SLC5A10: variants seen among roughly 807,000 people sequenced by gnomAD.
SLC5A10 encodes solute carrier family 5 member 10, also known as sodium/mannose cotransporter SLC5A10.
Under a neutral mutation model 68.9 loss-of-function variants are expected in SLC5A10, and 55 were observed. The observed-to-expected ratio is 0.80, with a 90% CI of 0.64 to 1.00. The LOEUF (loss-of-function observed/expected upper bound fraction) is 1.00. Ranked by LOEUF, SLC5A10 falls within the 50% of genes least tolerant of loss-of-function variation. The pLI, the probability that SLC5A10 is intolerant of heterozygous loss-of-function variation, is 0.00. For missense variants in SLC5A10, 732 were observed against 819.3 expected, an observed-to-expected ratio of 0.89 and a Z score of 1.30; for synonymous variants, 344 against 344.8, an observed-to-expected ratio of 1.00 and a Z score of 0.02.
Position 18,977,964 on chromosome 17 carries a change from G to A in SLC5A10, c.982+975G>A, listed in dbSNP as rs775468730. On this transcript the variant is annotated intron_variant, in intron 9 of 14. Coordinates refer to ENST00000395645, the MANE Select transcript of SLC5A10 (RefSeq NM_001042450.4). ...AGCCCATTGGGGAGCCCCACCCCGA[G>A]GCTCTCGGGGTCATCCTGGGTCACA... 6 of 1,592,796 alleles carry A rather than the reference G, an allele frequency of 3.8e-6. No homozygotes were observed. In the South Asian group the frequency reaches 5.6e-5, roughly 15 times the overall value.
At position 19,004,229 on chromosome 17, in the gene SLC5A10, C is replaced by G; in HGVS notation, c.983-9181C>G. Reference sequence around the variant, plus strand: ...GGAGGGCGGGCCGCGCGGGGAGGGGCGGCGGGGGCGGGGCCGGGAACTCAG... The same window carrying G: ...GGAGGGCGGGCCGCGCGGGGAGGGGGGGCGGGGGCGGGGCCGGGAACTCAG... On this transcript the variant is annotated intron_variant, in intron 9 of 14. Coordinates refer to ENST00000395645, the MANE Select transcript of SLC5A10 (RefSeq NM_001042450.4). The surrounding 1 kb of genome is among the most constrained non-coding windows in gnomAD (Gnocchi z 5.4). 27 of 143,252 alleles carry G rather than the reference C, an allele frequency of 1.9e-4. No homozygotes were observed. The highest frequency in any genetic ancestry group is 7.0e-4 in the South Asian group (7 of 9,956). 8.9% of individuals were successfully genotyped at this position (143,252 alleles called of 1,614,324 possible). A position where few individuals can be genotyped will look rare whatever the true frequency, so the allele number is the denominator to read the frequency against.
At chr17:18,978,157 G>A (rs370625651) in intron 9 of SLC5A10, 88 of 1,530,126 alleles carry the variant, frequency 5.8e-5, no homozygotes, top group South Asian at 1.8e-4. Context: ...GCTTGGGCAC[G>A]GGGGGCAATG....
upstream of SLC5A10, among the ~76,000 whole-genome samples, chr17:18,951,039 G>A (rs746042359): frequency 2.0e-5 from 3 of 152,198 alleles, no homozygotes; most frequent in Non-Finnish European, 4.4e-5. Context: ...ATTTTTACCC[G>A]CACCTCAGGG....
intron 9 of SLC5A10, among the ~76,000 whole-genome samples, chr17:19,001,369 G>T (rs534587357): frequency 6.6e-6 from 1 of 152,322 alleles, no homozygotes; most frequent in African/African-American, 2.4e-5. Context: ...TACTGCCTCT[G>T]AGGCCCCCAC....
Position 19,017,307 on chromosome 17 carries a change from C to T in SLC5A10, c.1241+2108C>T, listed in dbSNP as rs983838478. The T allele has an allele frequency of 9.0e-6, 14 of 1,552,154 alleles. No homozygotes were observed. The highest frequency in any genetic ancestry group is 1.2e-5 in the Non-Finnish European group (14 of 1,147,072). On this transcript the variant is annotated intron_variant, in intron 11 of 14. Coordinates refer to ENST00000395645, the MANE Select transcript of SLC5A10 (RefSeq NM_001042450.4). This position sits in a 1 kb window ranked among gnomAD's most constrained non-coding sequence, Gnocchi z 5.6. ...AGCACTGGGATACCCTCAACACCCC[C>T]AGCCCCTCAAAGCCGTCTCAGCTTC...
Position 18,953,736 on chromosome 17 carries a change from C to T in SLC5A10, c.111+1420C>T, listed in dbSNP as rs545334650. The T allele has an allele frequency of 3.9e-5, 6 of 152,704 alleles. No individual in the cohort carries two copies. In the South Asian group the frequency reaches 1.0e-3, roughly 26 times the overall value. 9.5% of individuals were successfully genotyped at this position (152,704 alleles called of 1,614,324 possible). A position where few individuals can be genotyped will look rare whatever the true frequency, so the allele number is the denominator to read the frequency against. ...AGGTTGGATTTCAAAAATCTGAAAC[C>T]CAAAATCTGGAACATTTTGAACACC... On this transcript the variant is annotated intron_variant, in intron 1 of 14. Transcript: ENST00000395645.
intron 5 of SLC5A10, among the ~76,000 whole-genome samples, chr17:18,962,128 C>T (rs1384697793): frequency 6.6e-6 from 1 of 152,202 alleles, no homozygotes; most frequent in East Asian, 1.9e-4. Context: ...TGCCAGCCAC[C>T]TCCCTGGAAA....
intron 1 of SLC5A10, chr17:18,954,102 C>CAA (rs1288465560): frequency 6.6e-6 from 1 of 152,208 alleles, no homozygotes; most frequent in East Asian, 1.9e-4. Flanking sequence ...TTCCAAGGAG[C>CAA]AAGGGTCCAA....
At position 19,014,696 on chromosome 17, in the gene SLC5A10, C is replaced by T. The variant is rs534402125; in HGVS notation, c.1091-353C>T. On this transcript the variant is annotated intron_variant, in intron 10 of 14. Coordinates refer to ENST00000395645, the MANE Select transcript of SLC5A10 (RefSeq NM_001042450.4). ...TCAAGCGGGTTAATCATGCTTTCCT[C>T]GGACGAAGGCATGGGTGTGAAAGTG... Among the ~76,000 whole-genome samples, 8 of 152,324 alleles carry T rather than the reference C, an allele frequency of 5.3e-5. No homozygotes were observed. In the South Asian group the frequency reaches 8.3e-4, roughly 16 times the overall value.
chr17:19,006,293 A>T (rs73306502), intron 9 of SLC5A10, among the ~76,000 whole-genome samples: 74 of 152,224 alleles, frequency 4.9e-4, no homozygotes, highest in African/African-American at 1.7e-3. Flanking sequence ...AGTGGTATGT[A>T]CAATCATTGC....
At chr17:18,995,864 C>T (rs548536561) in intron 9 of SLC5A10, among the ~76,000 whole-genome samples, 14 of 150,928 alleles carry the variant, frequency 9.3e-5, no homozygotes, top group Admixed American at 4.6e-4. Flanking sequence ...GCCAAGATTG[C>T]GCCACTGCAC....
intron 7 of SLC5A10, 122 bp downstream of exon 7, chr17:18,969,544 G>A: frequency 1.1e-6 from 1 of 945,170 alleles, no homozygotes; most frequent in South Asian, 1.6e-5. Context: ...CGCTGGGAGT[G>A]GGTGGGTTCA....
At chr17:18,974,634 A>G (rs923558385) in intron 8 of SLC5A10, among the ~76,000 whole-genome samples, 8 of 152,230 alleles carry the variant, frequency 5.3e-5, no homozygotes, top group Admixed American at 4.6e-4. Flanking sequence ...GCTGACTCCA[A>G]TGGCCACACC....
chr17:19,018,733 T>TA lies in SLC5A10; in HGVS notation c.1242-688dup, dbSNP rs1393095543. On this transcript the variant is annotated intron_variant, in intron 11 of 14. Transcript: ENST00000395645. The surrounding 1 kb of genome is among the most constrained non-coding windows in gnomAD (Gnocchi z 4.2). Reference sequence around the variant, plus strand: ...CTTCACAGCTGGGGAGTATGGGCTCTAACCCCAACCCACACCTCTGGCTCC... The same window carrying TA: ...CTTCACAGCTGGGGAGTATGGGCTCTAAACCCCAACCCACACCTCTGGCTCC... 2.0e-5 allele frequency: 3 copies of TA among 152,330 alleles called. No homozygotes were observed. Among genetic ancestry groups the TA allele is most frequent in the Non-Finnish European group, 4.4e-5 (3 of 68,130 alleles). 9.4% of individuals were successfully genotyped at this position (152,330 alleles called of 1,614,324 possible).
chr17:18,993,999 A>C (rs1184848759), intron 9 of SLC5A10, among the ~76,000 whole-genome samples: 1 of 152,126 alleles, frequency 6.6e-6, no homozygotes, highest in Non-Finnish European at 1.5e-5. Flanking sequence ...CCAGACCCAC[A>C]GCTCCCTCTG....
chr17:19,008,645 G>A (rs1597904284), intron 9 of SLC5A10, among the ~76,000 whole-genome samples: 1 of 151,634 alleles, frequency 6.6e-6, no homozygotes, highest in African/African-American at 2.4e-5. Context: ...GACTACAGGC[G>A]CCTGCCACCA....
chr17:18,955,716 G>A (rs1417253134), intron 1 of SLC5A10, among the ~76,000 whole-genome samples: 1 of 152,232 alleles, frequency 6.6e-6, no homozygotes, highest in Non-Finnish European at 1.5e-5. Flanking sequence ...GCAAGATCAC[G>A]GCACACAAAG....
At chr17:18,995,341 C>G (rs759807426) in intron 9 of SLC5A10, among the ~76,000 whole-genome samples, 2 of 151,724 alleles carry the variant, frequency 1.3e-5, no homozygotes, top group East Asian at 3.9e-4. Context: ...ACATTTAAGA[C>G]GAAAAATATA....
intron 5 of SLC5A10, among the ~76,000 whole-genome samples, chr17:18,963,928 C>T (rs2042660671): frequency 6.6e-6 from 1 of 152,238 alleles, no homozygotes; most frequent in African/African-American, 2.4e-5. Flanking sequence ...CTCACCCCTC[C>T]CTCGCCCTGT....
Sources: gnomAD v4.1 joint callset for allele counts (sites outside exome capture counted in the v4.1 genomes callset) on GRCh38, gnomAD v4.1.1 for gene constraint, Gnocchi (gnomAD v3.1) non-coding constraint, MANE v1.5 for transcripts, NCBI Gene and HGNC (gene_info 2026-07-23, HGNC 2026-07-21) for gene names.